The following GPR158 variants were observed in gnomAD, a reference collection of about 807,000 sequenced individuals.
The protein encoded by GPR158 is G protein-coupled receptor 158.
In GPR158, 30 loss-of-function variants were observed where a neutral mutation model predicts 78.2. The ratio of observed to expected loss-of-function variants is 0.38; its 90% CI spans 0.29 to 0.52. GPR158 has a LOEUF of 0.52. Among genes scored for constraint, GPR158 ranks in the 20% least tolerant of loss-of-function variants. GPR158 has a pLI of 0.83. For missense variants in GPR158, 1,463 were observed against 1,523.5 expected, an observed-to-expected ratio of 0.96 and a Z score of 0.66; for synonymous variants, 581 against 591.1, an observed-to-expected ratio of 0.98 and a Z score of 0.25.
At chr10:25,285,084 G>GTGTA (rs1554790543) in intron 2 of GPR158, among the ~76,000 whole-genome samples, 2 of 151,752 alleles carry the variant, frequency 1.3e-5, no homozygotes, top group Non-Finnish European at 2.9e-5. Flanking sequence ...GTGTGTGTGT[G>GTGTA]TGTGTGTATG....
chr10:25,423,630 G>T (rs1834783492), intron 4 of GPR158, among the ~76,000 whole-genome samples: 2 of 152,140 alleles, frequency 1.3e-5, no homozygotes, highest in Admixed American at 1.3e-4. Flanking sequence ...GTAAGAACAT[G>T]CAGTATTTGG....
chr10:25,334,133 G>A (rs935930527), intron 2 of GPR158, among the ~76,000 whole-genome samples: 1 of 152,130 alleles, frequency 6.6e-6, no homozygotes. Flanking sequence ...TGTATAAAAA[G>A]TTAAAATGGA....
chr10:25,258,273 G>C (rs2130730764), intron 2 of GPR158, among the ~76,000 whole-genome samples: 1 of 152,272 alleles, frequency 6.6e-6, no homozygotes, highest in Admixed American at 6.5e-5. Context: ...ATTTGTTTAT[G>C]CATTTCTCAT....
At chr10:25,437,293 T>A (rs1835009427) in intron 4 of GPR158, among the ~76,000 whole-genome samples, 1 of 152,052 alleles carries the variant, frequency 6.6e-6, no homozygotes, top group African/African-American at 2.4e-5. Flanking sequence ...TGGTACAGTC[T>A]CAGCTCACTG....
chr10:25,279,504 G>A (rs1253563737), intron 2 of GPR158, among the ~76,000 whole-genome samples: 1 of 152,072 alleles, frequency 6.6e-6, no homozygotes, highest in African/African-American at 2.4e-5. Context: ...AGCATTTTGT[G>A]GGGTGGGGGG....
intron 2 of GPR158, among the ~76,000 whole-genome samples, chr10:25,323,654 T>C (rs1854987727): frequency 6.6e-6 from 1 of 151,814 alleles, no homozygotes; most frequent in African/African-American, 2.4e-5. Context: ...GCTAGTACTG[T>C]AGGTGTGCAC....
intron 2 of GPR158, among the ~76,000 whole-genome samples, chr10:25,283,831 T>A (rs1404230252): frequency 2.0e-5 from 3 of 152,066 alleles, no homozygotes; most frequent in Non-Finnish European, 2.9e-5. Flanking sequence ...GTTCAAAATA[T>A]ATTTAAATTC....
chr10:25,568,259 C>G (rs1253485933), intron 6 of GPR158, among the ~76,000 whole-genome samples: 1 of 152,118 alleles, frequency 6.6e-6, no homozygotes, highest in Admixed American at 6.5e-5. Context: ...ATATAGATAA[C>G]TGAGATGGGG....
intron 4 of GPR158, among the ~76,000 whole-genome samples, chr10:25,439,037 TAAAAC>T (rs1179796001): frequency 6.6e-6 from 1 of 152,206 alleles, no homozygotes; most frequent in African/African-American, 2.4e-5. Flanking sequence ...ATTGAATAGT[TAAAAC>T]AGAGAAGGTA....
chr10:25,184,877 G>A (rs1852659671), intron 1 of GPR158, among the ~76,000 whole-genome samples: 1 of 152,178 alleles, frequency 6.6e-6, no homozygotes, highest in African/African-American at 2.4e-5. Flanking sequence ...GGAATAAAAT[G>A]AAGAGTATGA....
At chr10:25,528,977 G>T (rs192004138) in intron 5 of GPR158, among the ~76,000 whole-genome samples, 53 of 152,296 alleles carry the variant, frequency 3.5e-4, no homozygotes, top group African/African-American at 1.2e-3. Context: ...ACTGTCAATT[G>T]ACTTGTTATG....
intron 9 of GPR158, among the ~76,000 whole-genome samples, chr10:25,595,219 A>C (rs1053049499): frequency 1.3e-5 from 2 of 152,176 alleles, no homozygotes; most frequent in African/African-American, 4.8e-5. Flanking sequence ...AGTTAACCAG[A>C]ACATTGAGAT....
intron 2 of GPR158, among the ~76,000 whole-genome samples, chr10:25,321,762 G>A (rs1854951475): frequency 6.6e-6 from 1 of 152,056 alleles, no homozygotes; most frequent in Non-Finnish European, 1.5e-5. Context: ...GAATTGAGTT[G>A]TATATAGGTG....
At chr10:25,538,224 G>GTTT (rs1343735953) in intron 5 of GPR158, among the ~76,000 whole-genome samples, 2 of 151,928 alleles carry the variant, frequency 1.3e-5, no homozygotes, top group Non-Finnish European at 2.9e-5. Flanking sequence ...CGTTGTTGTT[G>GTTT]TTGTTGTTGT....
At chr10:25,261,243 G>C (rs1262442085) in intron 2 of GPR158, among the ~76,000 whole-genome samples, 1 of 152,104 alleles carries the variant, frequency 6.6e-6, no homozygotes, top group Non-Finnish European at 1.5e-5. Context: ...CTGCCCATTT[G>C]ATTCATGTCT....
At position 25,572,817 on chromosome 10, in the gene GPR158, G is replaced by A. The variant is rs138208272; in HGVS notation, c.1683G>A (p.Gln561=). The A allele has an allele frequency of 1.4e-5, 23 of 1,613,700 alleles. No individual in the cohort carries two copies. The highest frequency in any genetic ancestry group is 1.9e-5 in the Non-Finnish European group (22 of 1,179,764). The change falls in exon 7 of 11, where the codon CAG becomes CAA. Residue 561 remains glutamine, a synonymous_variant. Coordinates refer to ENST00000376351, the MANE Select transcript of GPR158 (RefSeq NM_020752.3). Reference sequence around the variant, plus strand: ...AGAAACAGATTTCACTTATTGGCCAGGGGAAAACATCCGATCACCTCATCT... The same window carrying A: ...AGAAACAGATTTCACTTATTGGCCAAGGGAAAACATCCGATCACCTCATCT... ...NLEKQISLIG[Q]GKTSDHLIFN...
intron 2 of GPR158, among the ~76,000 whole-genome samples, chr10:25,370,486 G>A (rs1315544713): frequency 1.7e-5 from 2 of 115,970 alleles, no homozygotes; most frequent in Non-Finnish European, 3.7e-5. Flanking sequence ...TTTTGAGTGA[G>A]TTTCTTAATC....
intron 4 of GPR158, among the ~76,000 whole-genome samples, chr10:25,455,680 G>A (rs74124009): frequency 0.014 from 2,138 of 152,066 alleles, 58 homozygotes; most frequent in African/African-American, 0.046. Context: ...TTTGAAAATC[G>A]TTACTTACTC....
chr10:25,427,541 A>G (rs1391885245), intron 4 of GPR158, among the ~76,000 whole-genome samples: 2 of 152,058 alleles, frequency 1.3e-5, no homozygotes, highest in Non-Finnish European at 2.9e-5. Context: ...TAGAAACACC[A>G]CTGATGGCTG....
Sources: gnomAD v4.1 joint callset for allele counts (sites outside exome capture counted in the v4.1 genomes callset) on GRCh38, gnomAD v4.1.1 for gene constraint, MANE v1.5 for transcripts, NCBI Gene and HGNC (gene_info 2026-07-23, HGNC 2026-07-21) for gene names.